Variants in RBPMS observed in about 807,000 individuals in gnomAD.
The protein encoded by RBPMS is RNA-binding protein with multiple splicing.
RBPMS carries 7 observed loss-of-function variants against 26.8 expected under a neutral mutation model. The ratio of observed to expected loss-of-function variants is 0.26; its 90% CI spans 0.15 to 0.49. The LOEUF (loss-of-function observed/expected upper bound fraction) is 0.49, where lower values mean the gene tolerates loss of function less well. Among genes scored for constraint, RBPMS ranks in the 20% least tolerant of loss-of-function variants. The probability of loss-of-function intolerance (pLI) is 0.98; values close to 1 mark genes in which losing one functional copy is unlikely to be tolerated. For missense variants in RBPMS, 186 were observed against 250.0 expected, an observed-to-expected ratio of 0.74 and a Z score of 1.73; for synonymous variants, 96 against 93.3, an observed-to-expected ratio of 1.03 and a Z score of -0.17.
At chr8:30,409,661 T>C (rs969209752) in intron 1 of RBPMS, among the ~76,000 whole-genome samples, 6 of 152,120 alleles carry the variant, frequency 3.9e-5, no homozygotes, top group Non-Finnish European at 8.8e-5. Context: ...TGAGACGGAG[T>C]CTCGCTCTGT....
At chr8:30,517,189 CGTGTGTGTGTGTGTGTGTGTGT>C (rs56327512) in intron 5 of RBPMS, among the ~76,000 whole-genome samples, 20 of 132,474 alleles carry the variant, frequency 1.5e-4, no homozygotes, top group South Asian at 5.1e-4. Flanking sequence ...GCCAAGACCC[CGTGTGTGTGTGTGTGTGTGTGT>C]GTGTGTGTGT....
chr8:30,546,185 TCTC>T (rs1825854748), intron 6 of RBPMS, among the ~76,000 whole-genome samples: 1 of 152,158 alleles, frequency 6.6e-6, no homozygotes. Flanking sequence ...CTGGATGGTG[TCTC>T]CTCTTGCTAG....
intron 7 of RBPMS, among the ~76,000 whole-genome samples, chr8:30,559,636 C>T (rs527830076): frequency 5.4e-4 from 82 of 152,336 alleles, no homozygotes; most frequent in African/African-American, 1.9e-3. Context: ...CACTGTTCTT[C>T]TAAACTCTAA....
rs532249711 is a variant in RBPMS, at chr8:30,569,083, C to T, written c.*112-1554C>T. The stretch of plus-strand genomic sequence containing the variant: ...GGAAAGCTGGAGCCACCATATCCCC[C>T]TCATCAGGGCTGCAGCTACCCATGG... On this transcript the variant is annotated intron_variant, in intron 8 of 8. Transcript: ENST00000397323. Among the ~76,000 whole-genome samples, 43 of 152,312 alleles carry T rather than the reference C, an allele frequency of 2.8e-4. 2 individuals carry two copies. The highest frequency in any genetic ancestry group is 9.6e-4 in the African/African-American group (40 of 41,574).
At chr8:30,481,322 C>T (rs10101637) in intron 4 of RBPMS, among the ~76,000 whole-genome samples, 1 of 151,474 alleles carries the variant, frequency 6.6e-6, no homozygotes, top group African/African-American at 2.4e-5. Context: ...TGATAATAGT[C>T]AAAAAAAACT....
chr8:30,548,921 C>T (rs1019112780), intron 6 of RBPMS, among the ~76,000 whole-genome samples: 2 of 152,210 alleles, frequency 1.3e-5, no homozygotes, highest in African/African-American at 4.8e-5. Flanking sequence ...GCTTTGGTGT[C>T]GGGTATGTTT....
chr8:30,569,117 G>A (rs1314787256), intron 8 of RBPMS, among the ~76,000 whole-genome samples: 1 of 152,132 alleles, frequency 6.6e-6, no homozygotes, highest in African/African-American at 2.4e-5. Flanking sequence ...GGAGGCTCAG[G>A]GTGCCCCTGG....
intron 1 of RBPMS, among the ~76,000 whole-genome samples, chr8:30,420,424 A>G (rs1376746405): frequency 6.6e-6 from 1 of 152,208 alleles, no homozygotes; most frequent in African/African-American, 2.4e-5. Flanking sequence ...AAGCCAAGAA[A>G]ATTTGGAAAA....
chr8:30,457,275 T>A (rs1407715035), intron 1 of RBPMS, among the ~76,000 whole-genome samples: 1 of 152,222 alleles, frequency 6.6e-6, no homozygotes, highest in Admixed American at 6.5e-5. Flanking sequence ...CTGTAAAATA[T>A]GCTATTTTAT....
chr8:30,431,494 G>A (rs1012234827), intron 1 of RBPMS, among the ~76,000 whole-genome samples: 5 of 148,100 alleles, frequency 3.4e-5, no homozygotes, highest in African/African-American at 1.0e-4. Context: ...TCATTCTGTC[G>A]CCCAGACTGG....
At chr8:30,437,221 G>T (rs1046437203) in intron 1 of RBPMS, among the ~76,000 whole-genome samples, 1 of 150,936 alleles carries the variant, frequency 6.6e-6, no homozygotes, top group Admixed American at 6.6e-5. Context: ...GCGCCCAGCC[G>T]ATATATGTAG....
At chr8:30,527,917 T>G (rs979263301) in intron 5 of RBPMS, among the ~76,000 whole-genome samples, 1 of 152,218 alleles carries the variant, frequency 6.6e-6, no homozygotes, top group East Asian at 1.9e-4. Flanking sequence ...GGCTCACGCC[T>G]GTAGTCCCAG....
At chr8:30,521,844 G>A (rs983276639) in intron 5 of RBPMS, among the ~76,000 whole-genome samples, 2 of 152,064 alleles carry the variant, frequency 1.3e-5, no homozygotes, top group African/African-American at 2.4e-5. Flanking sequence ...TTTGTTAAGA[G>A]GGTAAATCTT....
intron 1 of RBPMS, among the ~76,000 whole-genome samples, chr8:30,428,352 A>G (rs1585426414): frequency 2.6e-5 from 4 of 152,068 alleles, no homozygotes; most frequent in African/African-American, 9.6e-5. Flanking sequence ...GCTACTCAGG[A>G]GACAGAGGTG....
intron 5 of RBPMS, among the ~76,000 whole-genome samples, chr8:30,538,613 A>G (rs960305061): frequency 2.0e-5 from 3 of 152,122 alleles, no homozygotes; most frequent in African/African-American, 7.2e-5. Flanking sequence ...TCTTCTTGGG[A>G]AGCCAGTGAA....
At chr8:30,436,693 C>A (rs141847992) in intron 1 of RBPMS, among the ~76,000 whole-genome samples, 1 of 152,192 alleles carries the variant, frequency 6.6e-6, no homozygotes, top group African/African-American at 2.4e-5. Flanking sequence ...TTCTCCAAGT[C>A]TAGGGTATGC....
chr8:30,436,421 C>A (rs1585451588), intron 1 of RBPMS, among the ~76,000 whole-genome samples: 1 of 152,162 alleles, frequency 6.6e-6, no homozygotes, highest in African/African-American at 2.4e-5. Context: ...TTCTCTTGAG[C>A]CTTGCTTTTT....
At chr8:30,540,418 G>A (rs11776064) in intron 5 of RBPMS, among the ~76,000 whole-genome samples, 37,344 of 151,956 alleles carry the variant, frequency 0.25, 4,938 homozygotes, top group East Asian at 0.4. Context: ...GGTTTTAAGC[G>A]GGAGTGACAT....
intron 2 of RBPMS, among the ~76,000 whole-genome samples, chr8:30,476,958 G>T (rs1373697667): frequency 6.6e-6 from 1 of 152,122 alleles, no homozygotes; most frequent in East Asian, 1.9e-4. Context: ...CATGAAAACT[G>T]GTTCCTTCAG....
Sources: gnomAD v4.1 joint callset for allele counts (sites outside exome capture counted in the v4.1 genomes callset) on GRCh38, gnomAD v4.1.1 for gene constraint, MANE v1.5 for transcripts, NCBI Gene and HGNC (gene_info 2026-07-23, HGNC 2026-07-21) for gene names.